THSD7B: variants seen among roughly 807,000 people sequenced by gnomAD.
THSD7B encodes the protein thrombospondin type-1 domain-containing protein 7B.
Under a neutral mutation model 213.6 loss-of-function variants are expected in THSD7B, and 138 were observed. The observed-to-expected ratio is 0.65, with a 90% CI of 0.56 to 0.74. THSD7B has a LOEUF of 0.74. THSD7B is among the 30% of genes least tolerant of loss of function. The pLI is 0.00. For missense variants in THSD7B, 1,931 were observed against 1,991.5 expected (o/e 0.97, Z 0.58); for synonymous variants, 742 against 687.0 (o/e 1.08, Z -1.25).
chr2:137,227,858 A>AT (rs915086102), intron 7 of THSD7B, among the ~76,000 whole-genome samples: 1 of 152,100 alleles, frequency 6.6e-6, no homozygotes, highest in African/African-American at 2.4e-5. Context: ...GATGAAGACC[A>AT]TTTTTTGTGG....
chr2:137,060,420 A>T (rs1187560949), intron 3 of THSD7B, among the ~76,000 whole-genome samples: 1 of 151,002 alleles, frequency 6.6e-6, no homozygotes, highest in African/African-American at 2.4e-5. Context: ...GGTGTTGTTT[A>T]AAAATATCAC....
chr2:136,929,318 C>G (rs1034605561), intron 2 of THSD7B, among the ~76,000 whole-genome samples: 18 of 152,200 alleles, frequency 1.2e-4, no homozygotes, highest in Admixed American at 1.0e-3. Context: ...ACTTATCACT[C>G]TAAATCAGAG....
chr2:137,036,239 A>G (rs527756388), intron 2 of THSD7B, among the ~76,000 whole-genome samples: 11 of 152,190 alleles, frequency 7.2e-5, no homozygotes, highest in Non-Finnish European at 1.6e-4. Flanking sequence ...TTGAAAGGTA[A>G]TCTTCATTTC....
intron 3 of THSD7B, among the ~76,000 whole-genome samples, chr2:137,072,463 G>C (rs1389760313): frequency 1.3e-5 from 2 of 152,104 alleles, no homozygotes; most frequent in Non-Finnish European, 2.9e-5. Flanking sequence ...TGTATCCTGA[G>C]ACTTTGCTGA....
chr2:136,945,764 G>A (rs576920702), intron 2 of THSD7B, among the ~76,000 whole-genome samples: 1 of 152,176 alleles, frequency 6.6e-6, no homozygotes, highest in African/African-American at 2.4e-5. Context: ...GATCGAATTG[G>A]CTATTGAAGC....
chr2:137,509,205 G>A (rs74486917), intron 15 of THSD7B, among the ~76,000 whole-genome samples: 5,747 of 152,170 alleles, frequency 0.038, 176 homozygotes, highest in Admixed American at 0.083. Context: ...GCCCTGTGTA[G>A]CCTAAGGTCA....
intron 5 of THSD7B, among the ~76,000 whole-genome samples, chr2:137,115,804 A>G (rs951656685): frequency 6.6e-6 from 1 of 152,190 alleles, no homozygotes; most frequent in Non-Finnish European, 1.5e-5. Flanking sequence ...AAGCTCTCTA[A>G]TTGGTGGGTG....
intron 7 of THSD7B, among the ~76,000 whole-genome samples, chr2:137,207,415 TAGC>T (rs1681009953): frequency 6.6e-6 from 1 of 152,056 alleles, no homozygotes; most frequent in Non-Finnish European, 1.5e-5. Context: ...TATAAAGAAT[TAGC>T]AGTTAATCAA....
chr2:136,882,436 CTT>C (rs10716943), intron 2 of THSD7B, 119 bp downstream of exon 2: 6 of 1,068,904 alleles, frequency 5.6e-6, no homozygotes, highest in Middle Eastern at 3.2e-4. Context: ...AAAATAGACT[CTT>C]TTTTTTAAAT....
intron 15 of THSD7B, among the ~76,000 whole-genome samples, chr2:137,517,669 C>A (rs1221250281): frequency 1.3e-5 from 2 of 152,152 alleles, no homozygotes; most frequent in African/African-American, 4.8e-5. Flanking sequence ...TGAAACAGGT[C>A]CAGCCTGCTG....
Position 136,959,195 on chromosome 2 carries a change from G to A in THSD7B, c.139+76878G>A, listed in dbSNP as rs569356892. On this transcript the variant is annotated intron_variant, in intron 2 of 27. Transcript: ENST00000409968. ...TTGATATAACAGTTTCGGCTAACTG[G>A]CTTCAGTCATTATACTTGCTTAATA... 3.6e-4 allele frequency among the ~76,000 whole-genome samples: 55 copies of A among 152,308 alleles called. 1 individual carries two copies. The South Asian group carries it at 0.011, about 30-fold the overall frequency.
At position 136,768,631 on chromosome 2, in the gene THSD7B, AAG is replaced by A. The variant is rs555745822; in HGVS notation, c.-36+2946_-36+2947del. Among the ~76,000 whole-genome samples the A allele has an allele frequency of 1.1e-3, 163 of 152,350 alleles. 2 individuals are homozygous for A. The highest frequency in any genetic ancestry group is 3.8e-3 in the African/African-American group (159 of 41,584). ...CAACTATATTAGTTGATGGGAAAAAAAGAATAGCACTATTAAGGCTTCAGAGA... is the reference window on the plus strand; with the variant it reads ...CAACTATATTAGTTGATGGGAAAAAAAATAGCACTATTAAGGCTTCAGAGA... On this transcript the variant is annotated intron_variant, in intron 1 of 27. Coordinates refer to ENST00000409968, the MANE Select transcript of THSD7B (RefSeq NM_001316349.2).
At chr2:136,940,218 C>T (rs934615525) in intron 2 of THSD7B, among the ~76,000 whole-genome samples, 1 of 152,050 alleles carries the variant, frequency 6.6e-6, no homozygotes, top group African/African-American at 2.4e-5. Context: ...ATTCTTCACC[C>T]CAAGTCCATG....
intron 2 of THSD7B, among the ~76,000 whole-genome samples, chr2:136,953,853 T>G (rs1685079729): frequency 6.6e-6 from 1 of 152,224 alleles, no homozygotes; most frequent in Non-Finnish European, 1.5e-5. Flanking sequence ...GTCGAGGTAC[T>G]TAAGAGTCAT....
intron 5 of THSD7B, among the ~76,000 whole-genome samples, chr2:137,149,244 T>A (rs886143618): frequency 6.6e-6 from 1 of 152,150 alleles, no homozygotes; most frequent in Non-Finnish European, 1.5e-5. Context: ...TCTACTTAGA[T>A]TTCAGAGGAT....
intron 2 of THSD7B, among the ~76,000 whole-genome samples, chr2:136,984,192 C>T (rs1024967485): frequency 6.6e-6 from 1 of 152,152 alleles, no homozygotes; most frequent in Admixed American, 6.5e-5. Context: ...TCCCTCCCAT[C>T]CCACAGAGTG....
At chr2:137,371,664 T>C (rs898428598) in intron 12 of THSD7B, among the ~76,000 whole-genome samples, 2 of 152,164 alleles carry the variant, frequency 1.3e-5, no homozygotes, top group African/African-American at 4.8e-5. Context: ...TTCCTAGATA[T>C]ATTTTTCTAA....
chr2:137,623,765 C>A (rs983652704), intron 20 of THSD7B, among the ~76,000 whole-genome samples: 20 of 152,180 alleles, frequency 1.3e-4, no homozygotes, highest in Non-Finnish European at 2.4e-4. Flanking sequence ...AGGAATCCAA[C>A]TTACAAGGGA....
At chr2:137,204,242 T>C (rs1680936982) in intron 7 of THSD7B, among the ~76,000 whole-genome samples, 1 of 151,820 alleles carries the variant, frequency 6.6e-6, no homozygotes. Context: ...TGCTTTAACA[T>C]TGCTATAAAG....
Sources: gnomAD v4.1 joint callset for allele counts (sites outside exome capture counted in the v4.1 genomes callset) on GRCh38, gnomAD v4.1.1 for gene constraint, MANE v1.5 for transcripts, NCBI Gene and HGNC (gene_info 2026-07-23, HGNC 2026-07-21) for gene names.